Variants in SYN3 observed in about 807,000 individuals in gnomAD.
SYN3 encodes the protein synapsin-3.
SYN3 carries 35 observed loss-of-function variants against 65.8 expected under a neutral mutation model. The ratio of observed to expected loss-of-function variants is 0.53; its 90% CI spans 0.41 to 0.70. The LOEUF is 0.70. SYN3 is among the 30% of genes least tolerant of loss of function. The probability of loss-of-function intolerance (pLI) is 0.00; values close to 1 mark genes in which losing one functional copy is unlikely to be tolerated. For missense variants in SYN3, 680 were observed against 749.0 expected, an observed-to-expected ratio of 0.91 and a Z score of 1.08; for synonymous variants, 270 against 292.9, an observed-to-expected ratio of 0.92 and a Z score of 0.80.
At chr22:33,056,431 T>C (rs1268499480) in intron 1 of SYN3, among the ~76,000 whole-genome samples, 2 of 152,240 alleles carry the variant, frequency 1.3e-5, no homozygotes, top group African/African-American at 2.4e-5. Flanking sequence ...AGAGTGTTGG[T>C]TACCCCAGCT....
chr22:32,725,097 A>C (rs1049635317), intron 6 of SYN3, among the ~76,000 whole-genome samples: 3 of 152,214 alleles, frequency 2.0e-5, no homozygotes, highest in Non-Finnish European at 4.4e-5. Context: ...AGCCTGGGTG[A>C]CAGGGTGAGA....
intron 6 of SYN3, among the ~76,000 whole-genome samples, chr22:32,607,049 C>T (rs1347384334): frequency 6.7e-6 from 1 of 149,430 alleles, no homozygotes; most frequent in Admixed American, 6.7e-5. Context: ...TGTGATGTTC[C>T]CCTTCCTGTG....
chr22:32,796,750 A>G (rs2046437859), intron 6 of SYN3, among the ~76,000 whole-genome samples: 1 of 152,092 alleles, frequency 6.6e-6, no homozygotes. Flanking sequence ...GAGGGAGGAA[A>G]GCAAAGAGGA....
chr22:32,847,781 T>C (rs1224855493), intron 6 of SYN3, among the ~76,000 whole-genome samples: 1 of 152,194 alleles, frequency 6.6e-6, no homozygotes, highest in African/African-American at 2.4e-5. Flanking sequence ...TAAGTGCAAC[T>C]TGAGATAAGA....
At chr22:32,631,655 T>G (rs1050183965) in intron 6 of SYN3, among the ~76,000 whole-genome samples, 1 of 152,200 alleles carries the variant, frequency 6.6e-6, no homozygotes, top group Non-Finnish European at 1.5e-5. Context: ...ACACCTTTTA[T>G]TGAGAAACTA....
rs184232733 is a variant in SYN3, at chr22:32,946,515, G to A, written c.370-15034C>T. 4.9e-4 allele frequency among the ~76,000 whole-genome samples: 73 copies of A among 150,062 alleles called. No individual in the cohort carries two copies. The East Asian group carries it at 0.011, about 24-fold the overall frequency. ...AATGAGAACACTTGGACACAGGAAG[G>A]GGAACATCACACATAGGGGCCTGTT... On this transcript the variant is annotated intron_variant, in intron 3 of 13. Transcript: ENST00000358763.
At chr22:32,929,663 A>G (rs968032517) in intron 4 of SYN3, among the ~76,000 whole-genome samples, 8 of 152,164 alleles carry the variant, frequency 5.3e-5, no homozygotes, top group African/African-American at 1.7e-4. Context: ...AGCTGCAAGT[A>G]CTTGTGAGGG....
intron 3 of SYN3, 112 bp from the exon 4 acceptor site, chr22:32,931,593 A>T: frequency 1.4e-6 from 1 of 697,122 alleles, no homozygotes; most frequent in East Asian, 2.7e-5. Context: ...AGCTCCCCTC[A>T]AACTTAGGAA....
chr22:33,010,952 CTCAAT>C (rs748858242), intron 1 of SYN3, among the ~76,000 whole-genome samples: 6 of 152,182 alleles, frequency 3.9e-5, no homozygotes, highest in Non-Finnish European at 7.4e-5. Context: ...TACTGACATG[CTCAAT>C]TCAAGTATTG....
intron 7 of SYN3, among the ~76,000 whole-genome samples, chr22:32,573,308 C>A (rs908561570): frequency 6.6e-6 from 1 of 152,172 alleles, no homozygotes; most frequent in Non-Finnish European, 1.5e-5. Flanking sequence ...AAATGTTCCA[C>A]ACACATGAGC....
At chr22:32,628,800 G>A (rs2059706421) in intron 6 of SYN3, among the ~76,000 whole-genome samples, 1 of 152,052 alleles carries the variant, frequency 6.6e-6, no homozygotes, top group Non-Finnish European at 1.5e-5. Context: ...GAAGATGCCG[G>A]GCTGTTCCCC....
At chr22:33,012,725 GTCC>G (rs1365301271) in intron 1 of SYN3, among the ~76,000 whole-genome samples, 1 of 152,242 alleles carries the variant, frequency 6.6e-6, no homozygotes, top group Non-Finnish European at 1.5e-5. Context: ...CTCTTTAGAT[GTCC>G]TCATTTTCCA....
intron 6 of SYN3, among the ~76,000 whole-genome samples, chr22:32,631,978 A>G (rs2059753070): frequency 6.6e-6 from 1 of 152,220 alleles, no homozygotes; most frequent in Admixed American, 6.5e-5. Context: ...TTGACTTCCT[A>G]TAAAAACAAG....
At chr22:32,578,289 T>C (rs1029356989) in intron 7 of SYN3, among the ~76,000 whole-genome samples, 2 of 151,894 alleles carry the variant, frequency 1.3e-5, no homozygotes, top group Non-Finnish European at 2.9e-5. Context: ...CTCTGGGGCC[T>C]AGGCTGGAGT....
At chr22:32,996,501 A>G (rs2052883995) in intron 2 of SYN3, among the ~76,000 whole-genome samples, 1 of 152,158 alleles carries the variant, frequency 6.6e-6, no homozygotes, top group African/African-American at 2.4e-5. Context: ...ATCTTGGCCA[A>G]GACCACAGAG....
At chr22:32,938,066 A>C (rs1601734535) in intron 3 of SYN3, among the ~76,000 whole-genome samples, 1 of 152,346 alleles carries the variant, frequency 6.6e-6, no homozygotes, top group East Asian at 1.9e-4. Flanking sequence ...AGGACATAGA[A>C]TAACCAACTT....
intron 6 of SYN3, among the ~76,000 whole-genome samples, chr22:32,809,460 A>T (rs563695436): frequency 1.2e-3 from 187 of 152,126 alleles, no homozygotes; most frequent in Non-Finnish European, 2.1e-3. Context: ...ATCCTAACAT[A>T]ACCAAGCCTT....
intron 7 of SYN3, among the ~76,000 whole-genome samples, chr22:32,559,536 G>GA (rs1390013011): frequency 4.6e-5 from 7 of 152,158 alleles, no homozygotes; most frequent in Non-Finnish European, 1.0e-4. Context: ...CTAATGGATA[G>GA]AAAAAACCTT....
chr22:33,041,298 T>C (rs1354941751), intron 1 of SYN3, among the ~76,000 whole-genome samples: 5 of 149,126 alleles, frequency 3.4e-5, no homozygotes, highest in South Asian at 4.3e-4. Context: ...CTCTTTCTTT[T>C]TTTTTTTTTT....
Sources: gnomAD v4.1 joint callset for allele counts (sites outside exome capture counted in the v4.1 genomes callset) on GRCh38, gnomAD v4.1.1 for gene constraint, MANE v1.5 for transcripts, NCBI Gene and HGNC (gene_info 2026-07-23, HGNC 2026-07-21) for gene names.